Variants in ZDBF2 observed in about 807,000 individuals in gnomAD.
The protein encoded by ZDBF2 is zinc finger DBF-type containing 2, also known as DBF4-type zinc finger-containing protein 2.
A neutral mutation model predicts 9.4 loss-of-function variants in ZDBF2; 6 were observed. The ratio of observed to expected loss-of-function variants is 0.64; its 90% CI spans 0.35 to 1.27. The LOEUF (loss-of-function observed/expected upper bound fraction) is 1.27, where lower values mean the gene tolerates loss of function less well. ZDBF2 is among the 50% of genes most tolerant of loss of function. ZDBF2 has a pLI of 0.03. For missense variants in ZDBF2, 2,697 were observed against 2,766.8 expected (o/e 0.97, Z 0.57); for synonymous variants, 905 against 946.3 (o/e 0.96, Z 0.80).
In ZDBF2 at chr2:206,281,886, G is replaced by A; in HGVS notation, c.37G>A (p.Val13Met). ...ACAAGGATATTGCAGTTATTGCCGT[G>A]TGCAGTATAATAACCTGGAACAGGT... ...KRQGYCSYCR[V>M]QYNNLEQHLF... The change falls in exon 3 of 5, where the codon GTG (valine) becomes ATG (methionine). Residue 13 changes from valine (V) to methionine (M), a missense_variant. Val to Met is a conservative substitution (Grantham distance 21, BLOSUM62 1). This residue lies in a region of ZDBF2 where 910 missense variants were observed against 973.6 expected (regional missense o/e 0.93). Coordinates refer to ENST00000374423, the MANE Select transcript of ZDBF2 (RefSeq NM_020923.3). The A allele has an allele frequency of 1.2e-6, 2 of 1,613,272 alleles. No individual in the cohort carries two copies. The highest frequency in any genetic ancestry group is 8.5e-7 in the Non-Finnish European group (1 of 1,179,560).
At position 206,306,331 on chromosome 2, in the gene ZDBF2, A is replaced by G. The variant is rs1482945157; in HGVS notation, c.1803A>G (p.Lys601=). 6.2e-7 allele frequency: 1 copy of G among 1,613,654 alleles called. No homozygotes were observed. The highest frequency in any genetic ancestry group is 1.3e-5 in the African/African-American group (1 of 74,930). ...TTGATCATCCCCAACTGACTGTCAAAGGAAGAAACCTGAAAGGTAGACAAG... is the reference window on the plus strand; with the variant it reads ...TTGATCATCCCCAACTGACTGTCAAGGGAAGAAACCTGAAAGGTAGACAAG... ...SVVDHPQLTV[K]GRNLKGRQVH... The change falls in exon 5 of 5, where the codon AAA becomes AAG. Residue 601 remains lysine (K), a synonymous_variant. Coordinates refer to ENST00000374423, the MANE Select transcript of ZDBF2 (RefSeq NM_020923.3).
At chr2:206,301,816 G>T (rs2105940917) in intron 4 of ZDBF2, among the ~76,000 whole-genome samples, 2 of 151,520 alleles carry the variant, frequency 1.3e-5, no homozygotes, top group East Asian at 3.9e-4. Context: ...ACCTTTTTAT[G>T]GGGGCAATTT....
At chr2:206,277,598 GA>G (rs1691087195) in intron 1 of ZDBF2, among the ~76,000 whole-genome samples, 2 of 151,934 alleles carry the variant, frequency 1.3e-5, no homozygotes, top group African/African-American at 4.8e-5. Flanking sequence ...TAACATTGAT[GA>G]TAATTCTGCT....
chr2:206,293,445 C>T (rs144286623), intron 3 of ZDBF2, among the ~76,000 whole-genome samples: 2 of 152,098 alleles, frequency 1.3e-5, no homozygotes, highest in East Asian at 1.9e-4. Context: ...AAGATAAAAC[C>T]GGACTGCAAT....
rs766175909 is a variant in ZDBF2 at position 206,310,451 on chromosome 2, T to C, written c.5923T>C (p.Leu1975=). The part of the protein sequence containing the change: ...EDPPKSKCSR[L]QDDRKTKKKV... ...CCCACCAAAAAGTAAGTGTTCACGT[T>C]TACAGGATGACAGAAAAACCAAAAA... The change falls in exon 5 of 5, where the codon TTA becomes CTA. Residue 1975 remains leucine (L), a synonymous_variant. Transcript: ENST00000374423. 1 of 1,613,904 alleles carries C rather than the reference T, an allele frequency of 6.2e-7. No homozygotes were observed. The highest frequency in any genetic ancestry group is 1.7e-5 in the Admixed American group (1 of 59,994).
At position 206,307,595 on chromosome 2, in the gene ZDBF2, A is replaced by G. The variant is rs1179136033; in HGVS notation, c.3067A>G (p.Arg1023Gly). 6.2e-7 allele frequency: 1 copy of G among 1,612,510 alleles called. No individual in the cohort carries two copies. The highest frequency in any genetic ancestry group is 8.5e-7 in the Non-Finnish European group (1 of 1,179,444). ...EPQVAVNKIN[R>G]KKQYVLENKN... is the part of the protein sequence containing the mutation. ...TCAAGTAGCTGTTAACAAAATAAAC[A>G]GAAAGAAGCAATATGTTCTAGAAAA... is the stretch of plus-strand genomic sequence containing the variant. Residue 1023 changes from arginine to glycine, a missense_variant, in exon 5 of 5, where the codon AGA (arginine) becomes GGA (glycine). By Grantham distance (125) the Arg-to-Gly change is moderately radical. This residue lies in a region of ZDBF2 where 1,783 missense variants were observed against 1,776.5 expected (regional missense o/e 1.00). Transcript: ENST00000374423.
intron 3 of ZDBF2, among the ~76,000 whole-genome samples, chr2:206,296,191 A>C (rs916793788): frequency 6.6e-6 from 1 of 152,216 alleles, no homozygotes; most frequent in Admixed American, 6.5e-5. Flanking sequence ...TTACAGCCAG[A>C]TGTGGCTCGA....
In ZDBF2 at chr2:206,305,850, A is replaced by C; in HGVS notation, c.1322A>C (p.Lys441Thr). The stretch of plus-strand genomic sequence containing the variant: ...GAAGTACGTACTGATGTACAGTATA[A>C]GAATAATAAATCTTATGTTTCTAAA... ...SKEVRTDVQY[K>T]NNKSYVSKIS... Residue 441 changes from lysine to threonine, a missense_variant, in exon 5 of 5, where the codon AAG (lysine) becomes ACG (threonine). Lys to Thr is a moderately conservative substitution (Grantham distance 78). Coordinates refer to ENST00000374423, the MANE Select transcript of ZDBF2 (RefSeq NM_020923.3). 6.2e-6 allele frequency: 10 copies of C among 1,613,216 alleles called. No individual in the cohort carries two copies. Among genetic ancestry groups the C allele is most frequent in the Non-Finnish European group, 8.5e-6 (10 of 1,179,558 alleles).
rs1334578147 is a variant in ZDBF2 at position 206,309,256 on chromosome 2, CT to C, written c.4734del (p.Phe1578LeufsTer16). 1 of 1,609,746 alleles carries C rather than the reference CT, an allele frequency of 6.2e-7. No homozygotes were observed. Among genetic ancestry groups the C allele is most frequent in the Non-Finnish European group, 8.5e-7 (1 of 1,177,790 alleles). On this transcript the variant is annotated frameshift_variant, in exon 5 of 5. Transcript: ENST00000374423. LOFTEE classifies it low-confidence loss of function (END_TRUNC). The part of the protein sequence containing the change: ...CIDIEDKSCD[F>X]FGSEVRCNCK... ...TTGATATAGAAGATAAGAGCTGTGA[CT>C]TTTTTGGTTCTGAAGTCAGATGTAA...
rs757112126 is a variant in ZDBF2 at position 206,308,529 on chromosome 2, A to T, written c.4001A>T (p.Asn1334Ile). ...GATTCTGAAATAATTTATGTTTCAA[A>T]TATCCCTCTTCAGTCAGTGATAAAA... The part of the protein sequence containing the change: ...PSDSEIIYVS[N>I]IPLQSVIKQP... Residue 1334 changes from asparagine to isoleucine, a missense_variant, in exon 5 of 5, where the codon AAT becomes ATT. Physicochemically the swap from Asn to Ile is moderately radical, Grantham distance 149. This residue lies in a region of ZDBF2 where 1,783 missense variants were observed against 1,776.5 expected (regional missense o/e 1.00). Transcript: ENST00000374423. The T allele has an allele frequency of 6.2e-6, 10 of 1,613,322 alleles. No homozygotes were observed. The Admixed American group carries it at 1.7e-4, about 27-fold the overall frequency.
At position 206,307,749 on chromosome 2, in the gene ZDBF2, A is replaced by C. The variant is rs1574419701; in HGVS notation, c.3221A>C (p.Lys1074Thr). ...GTTAATCTGAAGGACAAAAACAGTAAATCAGGTGATTCTAAAATAACTTTT... is the reference window on the plus strand; with the variant it reads ...GTTAATCTGAAGGACAAAAACAGTACATCAGGTGATTCTAAAATAACTTTT... ...KHVNLKDKNS[K>T]SGDSKITFDS... The change falls in exon 5 of 5, where the codon AAA becomes ACA. Residue 1074 changes from lysine to threonine, a missense_variant. Around this residue, in one of 3 missense-constraint regions of ZDBF2, gnomAD observed 1,783 missense variants for 1,776.5 expected, o/e 1.00. Coordinates refer to ENST00000374423, the MANE Select transcript of ZDBF2 (RefSeq NM_020923.3). The C allele has an allele frequency of 3.1e-6, 5 of 1,612,788 alleles. No homozygotes were observed. The highest frequency in any genetic ancestry group is 4.2e-6 in the Non-Finnish European group (5 of 1,179,602).
Position 206,276,173 on chromosome 2 carries a change from GT to G in ZDBF2, c.-103+1231del, listed in dbSNP as rs1690990540. On this transcript the variant is annotated intron_variant, in intron 1 of 4. Transcript: ENST00000374423. ...ATGCATTATATGTAATGAGAGTATTGTTTTGTGAAAAATATTTTAACTGTGC... is the reference window on the plus strand; with the variant it reads ...ATGCATTATATGTAATGAGAGTATTGTTTGTGAAAAATATTTTAACTGTGC... 2.6e-5 allele frequency among the ~76,000 whole-genome samples: 4 copies of G among 152,192 alleles called. No homozygotes were observed. The South Asian group carries it at 8.3e-4, about 32-fold the overall frequency.
intron 1 of ZDBF2, among the ~76,000 whole-genome samples, chr2:206,277,024 A>G (rs998566408): frequency 6.6e-6 from 1 of 152,172 alleles, no homozygotes; most frequent in Non-Finnish European, 1.5e-5. Flanking sequence ...TTGTTTCCCT[A>G]CTGCTGGACG....
chr2:206,306,920 C>G lies in ZDBF2; in HGVS notation c.2392C>G (p.Leu798Val), dbSNP rs548352489. 1.9e-6 allele frequency: 3 copies of G among 1,613,650 alleles called. No individual in the cohort carries two copies. Among genetic ancestry groups the G allele is most frequent in the African/African-American group, 1.3e-5 (1 of 75,016 alleles). Residue 798 changes from leucine (L) to valine (V), a missense_variant, in exon 5 of 5, where the codon CTT becomes GTT. Transcript: ENST00000374423. ...AATAACTTTTGATTCTGATATTCCT[C>G]TTTATTCAGTAATTGACCAACCTGA... ...SEITFDSDIP[L>V]YSVIDQPEVA...
rs2105788860 is a variant in ZDBF2, at chr2:206,313,685, G to C, written c.*2092G>C. 1 of 152,262 alleles carries C rather than the reference G, an allele frequency of 6.6e-6. No homozygotes were observed. Among genetic ancestry groups the C allele is most frequent in the Non-Finnish European group, 1.5e-5 (1 of 67,990 alleles). The allele number at this position is 152,262 out of a possible 1,614,324, so 9.4% of individuals were successfully genotyped here. On this transcript the variant is annotated 3_prime_UTR_variant, in exon 5 of 5. Transcript: ENST00000374423. The stretch of plus-strand genomic sequence containing the variant: ...TCATATCGTGATTACATCATGCAGA[G>C]AGAACAGTTCCTGTAATTCAAGTAA...
Position 206,306,096 on chromosome 2 carries a change from A to G in ZDBF2, c.1568A>G (p.His523Arg). ...GAAGTAAACCTTCCTAAGGAAGTGC[A>G]CATTGGTTTGGTTGATAAGAACTAT... ...VTEVNLPKEV[H>R]IGLVDKNYGS... The change falls in exon 5 of 5, where the codon CAC becomes CGC. Residue 523 changes from histidine to arginine, a missense_variant. Physicochemically the swap from His to Arg is conservative, Grantham distance 29. Around this residue, in one of 3 missense-constraint regions of ZDBF2, gnomAD observed 910 missense variants for 973.6 expected, o/e 0.93. Transcript: ENST00000374423. The G allele has an allele frequency of 6.2e-7, 1 of 1,613,840 alleles. No homozygotes were observed. Among genetic ancestry groups the G allele is most frequent in the East Asian group, 2.2e-5 (1 of 44,882 alleles).
chr2:206,282,300 A>C (rs1333387352), intron 3 of ZDBF2, among the ~76,000 whole-genome samples: 1 of 152,158 alleles, frequency 6.6e-6, no homozygotes. Flanking sequence ...TTTTCTAGGT[A>C]GAGGGAAGAG....
Position 206,305,648 on chromosome 2 carries a change from G to T in ZDBF2, c.1120G>T (p.Ala374Ser). Residue 374 changes from alanine (A) to serine (S), a missense_variant, in exon 5 of 5, where the codon GCA becomes TCA. Transcript: ENST00000374423. ...GTTTGATTGTATCTCTCTTCAGTCAGCATCTGATCAGCCCCAAGAGACTGC... is the reference window on the plus strand; with the variant it reads ...GTTTGATTGTATCTCTCTTCAGTCATCATCTGATCAGCCCCAAGAGACTGC... ...MKFDCISLQSASDQPQETAQD... is the reference protein window; with the variant it reads ...MKFDCISLQSSSDQPQETAQD... 6.2e-7 allele frequency: 1 copy of T among 1,613,652 alleles called. No individual in the cohort carries two copies. The highest frequency in any genetic ancestry group is 8.5e-7 in the Non-Finnish European group (1 of 1,179,778).
chr2:206,297,208 G>A (rs1368899867), intron 3 of ZDBF2, 38 bp from the exon 4 acceptor site: 1 of 891,906 alleles, frequency 1.1e-6, no homozygotes, highest in Non-Finnish European at 1.8e-6. Context: ...ACTGAATACT[G>A]TCCATTTAAA....
Sources: gnomAD v4.1 joint callset for allele counts (sites outside exome capture counted in the v4.1 genomes callset) on GRCh38, gnomAD v4.1.1 for gene constraint, gnomAD v4.1.1 regional missense constraint, MANE v1.5 for transcripts, NCBI Gene and HGNC (gene_info 2026-07-23, HGNC 2026-07-21) for gene names.